UNC13C: variants seen among roughly 807,000 people sequenced by gnomAD.
The protein encoded by UNC13C is protein unc-13 homolog C.
UNC13C carries 174 observed loss-of-function variants against 245.4 expected under a neutral mutation model. That is an observed-to-expected ratio of 0.71 (90% CI 0.63 to 0.80). The LOEUF is 0.80. Ranked by LOEUF, UNC13C falls within the 30% of genes least tolerant of loss-of-function variation. The probability of loss-of-function intolerance (pLI) is 0.00; values close to 1 mark genes in which losing one functional copy is unlikely to be tolerated. For missense variants in UNC13C, 2,829 were observed against 2,602.9 expected, an observed-to-expected ratio of 1.09 and a Z score of -1.89; for synonymous variants, 992 against 895.1, an observed-to-expected ratio of 1.11 and a Z score of -1.93.
intron 19 of UNC13C, among the ~76,000 whole-genome samples, chr15:54,494,352 C>G (rs1283362661): frequency 6.6e-6 from 1 of 152,096 alleles, no homozygotes; most frequent in Non-Finnish European, 1.5e-5. Flanking sequence ...CTACATCTGA[C>G]TTTTCACATT....
At chr15:54,343,016 T>A (rs2038770936) in intron 17 of UNC13C, among the ~76,000 whole-genome samples, 1 of 152,218 alleles carries the variant, frequency 6.6e-6, no homozygotes. Context: ...TAATCTCTAC[T>A]TTCCATCTTC....
the UNC13C span, among the ~76,000 whole-genome samples, chr15:53,909,447 G>A: frequency 6.8e-6 from 1 of 146,878 alleles, no homozygotes; most frequent in African/African-American, 2.4e-5. Flanking sequence ...ACAGGCTCAA[G>A]AAGGTAATGT....
At chr15:53,956,139 C>G in the UNC13C span, among the ~76,000 whole-genome samples, 5 of 152,054 alleles carry the variant, frequency 3.3e-5, no homozygotes, top group African/African-American at 1.2e-4. Context: ...TACTCATGGA[C>G]AAACAAAAGC....
intron 13 of UNC13C, among the ~76,000 whole-genome samples, chr15:54,311,453 T>C (rs186228597): frequency 6.6e-6 from 1 of 151,876 alleles, no homozygotes; most frequent in East Asian, 1.9e-4. Flanking sequence ...AAAAACACTA[T>C]GGTAATGCTA....
intron 4 of UNC13C, among the ~76,000 whole-genome samples, chr15:54,220,305 A>G (rs1199480788): frequency 6.7e-6 from 1 of 150,142 alleles, no homozygotes; most frequent in Non-Finnish European, 1.5e-5. Context: ...AGGGACATGG[A>G]TGAAATTGGA....
At chr15:54,340,854 C>A (rs1357777438) in intron 17 of UNC13C, among the ~76,000 whole-genome samples, 1 of 152,012 alleles carries the variant, frequency 6.6e-6, no homozygotes, top group Admixed American at 6.6e-5. Context: ...GGAATTGCAT[C>A]AAATTTGCAG....
intron 4 of UNC13C, among the ~76,000 whole-genome samples, chr15:54,147,246 G>A (rs1399356254): frequency 1.4e-5 from 2 of 146,598 alleles, no homozygotes; most frequent in Admixed American, 6.9e-5. Context: ...TTGAGATGGA[G>A]TCTTGCTCTG....
At chr15:54,358,780 C>T (rs531381896) in intron 17 of UNC13C, among the ~76,000 whole-genome samples, 45 of 152,088 alleles carry the variant, frequency 3.0e-4, no homozygotes, top group African/African-American at 1.1e-3. Context: ...TTGACTTTCT[C>T]CTATCCAATT....
chr15:53,879,945 G>A, the UNC13C span, among the ~76,000 whole-genome samples: 2 of 134,452 alleles, frequency 1.5e-5, no homozygotes, highest in Admixed American at 7.5e-5. Flanking sequence ...CATGCTGCGT[G>A]TGTGTGTTTG....
At chr15:54,132,497 C>T (rs1203674017) in intron 2 of UNC13C, among the ~76,000 whole-genome samples, 1 of 152,196 alleles carries the variant, frequency 6.6e-6, no homozygotes, top group Non-Finnish European at 1.5e-5. Context: ...CTGAAACATA[C>T]ACCATCCACA....
chr15:54,298,350 G>A (rs2037490774), intron 12 of UNC13C, among the ~76,000 whole-genome samples: 1 of 152,196 alleles, frequency 6.6e-6, no homozygotes. Context: ...CCGAGTTAGA[G>A]TTCAGATTTT....
chr15:54,129,441 T>C (rs1028306602), intron 2 of UNC13C, among the ~76,000 whole-genome samples: 1 of 152,192 alleles, frequency 6.6e-6, no homozygotes, highest in Admixed American at 6.5e-5. Context: ...GTCAAATGTA[T>C]GCTATGTGGA....
At chr15:54,168,533 C>T (rs2033269439) in intron 4 of UNC13C, among the ~76,000 whole-genome samples, 1 of 152,112 alleles carries the variant, frequency 6.6e-6, no homozygotes, top group South Asian at 2.1e-4. Flanking sequence ...TTATATGCTA[C>T]TAAGCAAAAG....
intron 2 of UNC13C, among the ~76,000 whole-genome samples, chr15:54,022,196 T>C (rs1895929959): frequency 6.6e-6 from 1 of 152,240 alleles, no homozygotes; most frequent in Non-Finnish European, 1.5e-5. Flanking sequence ...TATACGTTCC[T>C]ACCAACAATG....
At chr15:53,881,641 T>A in the UNC13C span, among the ~76,000 whole-genome samples, 1 of 152,216 alleles carries the variant, frequency 6.6e-6, no homozygotes, top group Non-Finnish European at 1.5e-5. Flanking sequence ...AGCACCTGAT[T>A]TGAAAGTCCT....
At chr15:54,552,544 T>A (rs1314265873) in intron 28 of UNC13C, among the ~76,000 whole-genome samples, 1 of 82,904 alleles carries the variant, frequency 1.2e-5, no homozygotes, top group Admixed American at 2.3e-4. Context: ...TAATTATATA[T>A]TATATTGTAT....
At chr15:53,874,517 A>G in the UNC13C span, among the ~76,000 whole-genome samples, 1 of 152,170 alleles carries the variant, frequency 6.6e-6, no homozygotes, top group Admixed American at 6.5e-5. Flanking sequence ...ATTGGGCTTT[A>G]GAGATTATCC....
At chr15:53,940,194 C>T in the UNC13C span, among the ~76,000 whole-genome samples, 2 of 152,130 alleles carry the variant, frequency 1.3e-5, no homozygotes, top group Admixed American at 6.6e-5. Flanking sequence ...GAAGGGTGGG[C>T]AGCACGGAGA....
At chr15:54,058,622 T>A (rs567308648) in intron 2 of UNC13C, among the ~76,000 whole-genome samples, 1 of 152,256 alleles carries the variant, frequency 6.6e-6, no homozygotes, top group South Asian at 2.1e-4. Flanking sequence ...GAGGCCAGCA[T>A]CATTCTGATA....
Sources: allele counts gnomAD v4.1 joint callset (sites outside exome capture counted in the v4.1 genomes callset), GRCh38; gene constraint gnomAD v4.1.1; transcripts MANE v1.5; gene names NCBI Gene and HGNC (gene_info 2026-07-23, HGNC 2026-07-21).